ITGB5: variants seen among roughly 807,000 people sequenced by gnomAD.
The protein encoded by ITGB5 is integrin beta-5.
In ITGB5, 38 loss-of-function variants were observed where a neutral mutation model predicts 84.8. The ratio of observed to expected loss-of-function variants is 0.45; its 90% CI spans 0.35 to 0.59. The LOEUF is 0.59. Ranked by LOEUF, ITGB5 falls within the 20% of genes least tolerant of loss-of-function variation. ITGB5 has a pLI of 0.01. For synonymous variants in ITGB5, 393 were observed against 414.4 expected (o/e 0.95, Z 0.63); for missense variants, 905 against 1,034.5 (o/e 0.87, Z 1.72).
chr3:124,833,779 C>G (rs1050988240), intron 5 of ITGB5, among the ~76,000 whole-genome samples: 1 of 152,168 alleles, frequency 6.6e-6, no homozygotes, highest in Non-Finnish European at 1.5e-5. Flanking sequence ...GTTATGTGCC[C>G]AGCAGTGTCT....
At chr3:124,774,583 C>T (rs2063895596) in intron 10 of ITGB5, among the ~76,000 whole-genome samples, 1 of 152,126 alleles carries the variant, frequency 6.6e-6, no homozygotes, top group African/African-American at 2.4e-5. Flanking sequence ...TCCATGTTAG[C>T]CCAGTGAAAA....
intron 6 of ITGB5, 116 bp from the exon 7 acceptor site, chr3:124,819,950 G>A: frequency 1.3e-6 from 1 of 799,630 alleles, no homozygotes; most frequent in Admixed American, 1.8e-5. Flanking sequence ...TTTTCCTTAG[G>A]TGGCCCCTTA....
At chr3:124,764,643 T>G in intron 13 of ITGB5, 86 bp from the exon 14 acceptor site, 8 of 1,373,752 alleles carry the variant, frequency 5.8e-6, no homozygotes, top group African/African-American at 2.9e-5. Context: ...GAGATGAAAG[T>G]TGCACCCCTT....
chr3:124,835,235 CGGT>C (rs749148352), intron 5 of ITGB5, among the ~76,000 whole-genome samples: 4 of 152,224 alleles, frequency 2.6e-5, no homozygotes, highest in Admixed American at 6.5e-5. Context: ...CAGCAGCTGT[CGGT>C]GGGGCTGCGG....
upstream of ITGB5, among the ~76,000 whole-genome samples, chr3:124,890,668 G>C (rs1315228620): frequency 6.6e-6 from 1 of 152,046 alleles, no homozygotes; most frequent in Admixed American, 6.5e-5. Flanking sequence ...AAAGTTCTGC[G>C]ATCAAACCTG....
rs138438169 is a variant in ITGB5, at chr3:124,762,762, G to GTATC, written c.*857_*860dup. 0.18 allele frequency: 27,108 copies of GTATC among 152,046 alleles called. 2,573 individuals carry two copies. Among genetic ancestry groups the GTATC allele is most frequent in the Admixed American group, 0.26 (3,899 of 15,258 alleles). 9.4% of individuals were successfully genotyped at this position (152,046 alleles called of 1,614,324 possible). A position where few individuals can be genotyped will look rare whatever the true frequency, so the allele number is the denominator to read the frequency against. ...CAGTAAAAGCTGGAAGGGGCCAAAG[G>GTATC]TATCTGCTCAGTGTTCCCCCTTGCA... On this transcript the variant is annotated 3_prime_UTR_variant, in exon 15 of 15. Coordinates refer to ENST00000296181, the MANE Select transcript of ITGB5 (RefSeq NM_002213.5).
intron 10 of ITGB5, among the ~76,000 whole-genome samples, chr3:124,779,019 G>A (rs1034746302): frequency 3.3e-5 from 5 of 152,316 alleles, no homozygotes; most frequent in African/African-American, 1.2e-4. Context: ...CTGTGTTGAT[G>A]AGGATAATGC....
At chr3:124,894,279 G>A (rs527665590) in intron 1 of ITGB5, among the ~76,000 whole-genome samples, 65 of 151,532 alleles carry the variant, frequency 4.3e-4, no homozygotes, top group African/African-American at 1.1e-3. Context: ...GACTACAGGC[G>A]CCCACCACCA....
At chr3:124,870,684 C>T (rs1278598651) in intron 2 of ITGB5, among the ~76,000 whole-genome samples, 1 of 151,204 alleles carries the variant, frequency 6.6e-6, no homozygotes, top group East Asian at 1.9e-4. Flanking sequence ...CGACATCATG[C>T]CACTGCACTC....
At position 124,821,310 on chromosome 3, in the gene ITGB5, C is replaced by T; in HGVS notation, c.942+3G>A. 2 of 1,611,568 alleles carry T rather than the reference C, an allele frequency of 1.2e-6. No homozygotes were observed. Among genetic ancestry groups the T allele is most frequent in the East Asian group, 2.2e-5 (1 of 44,752 alleles). On this transcript the variant is annotated splice_donor_region_variant and intron_variant, in intron 6 of 14. Transcript: ENST00000296181. Reference sequence around the variant, plus strand: ...GAGGGGGGATCTGGTTCCCGGCACTCACCATCTGGTTGGATGCAGTGTACT... The same window carrying T: ...GAGGGGGGATCTGGTTCCCGGCACTTACCATCTGGTTGGATGCAGTGTACT...
At chr3:124,817,568 A>C in intron 8 of ITGB5, 53 bp downstream of exon 8, 1 of 974,100 alleles carries the variant, frequency 1.0e-6, no homozygotes, top group Non-Finnish European at 1.6e-6. Context: ...GCAGGGCCTC[A>C]GTGGGAGAGG....
At chr3:124,860,240 A>G (rs2065277538) in intron 2 of ITGB5, among the ~76,000 whole-genome samples, 1 of 152,220 alleles carries the variant, frequency 6.6e-6, no homozygotes, top group African/African-American at 2.4e-5. Context: ...TCCTTAAACC[A>G]TAAGAATAAC....
intron 5 of ITGB5, among the ~76,000 whole-genome samples, chr3:124,835,698 A>C (rs2064925530): frequency 6.6e-6 from 1 of 152,246 alleles, no homozygotes; most frequent in Non-Finnish European, 1.5e-5. Context: ...CCTTGAGGAA[A>C]GAAAGGCAAT....
intron 3 of ITGB5, among the ~76,000 whole-genome samples, chr3:124,855,279 C>G (rs1434611966): frequency 1.3e-5 from 2 of 152,158 alleles, no homozygotes; most frequent in Non-Finnish European, 2.9e-5. Flanking sequence ...GCACTCCAGC[C>G]TGGGCGACAG....
At chr3:124,899,695 T>G (rs1935180294) in intron 1 of ITGB5, among the ~76,000 whole-genome samples, 1 of 151,422 alleles carries the variant, frequency 6.6e-6, no homozygotes. Flanking sequence ...CGCTCCAAAA[T>G]ATTTTAAAAA....
chr3:124,867,146 C>T (rs373661285), intron 2 of ITGB5, among the ~76,000 whole-genome samples: 2 of 152,188 alleles, frequency 1.3e-5, no homozygotes, highest in East Asian at 3.9e-4. Context: ...AGACCGCTCA[C>T]CCCAGCCCAG....
Position 124,854,877 on chromosome 3 carries a change from G to C in ITGB5, c.361+4365C>G, listed in dbSNP as rs536404539. 2.0e-5 allele frequency among the ~76,000 whole-genome samples: 3 copies of C among 152,222 alleles called. No homozygotes were observed. The South Asian group carries it at 6.2e-4, about 32-fold the overall frequency. On this transcript the variant is annotated intron_variant, in intron 3 of 14. Transcript: ENST00000296181. ...CTTGGAACAATTACTTTGCCTTCAT[G>C]AAGTGTCTTTCATATTATGCTGAGG...
At chr3:124,894,946 A>G (rs985740634) in intron 1 of ITGB5, among the ~76,000 whole-genome samples, 1 of 149,734 alleles carries the variant, frequency 6.7e-6, no homozygotes, top group African/African-American at 2.4e-5. Context: ...CTCCCCCCCA[A>G]ATCTTACAAT....
At chr3:124,876,038 C>T (rs1318188780) in intron 1 of ITGB5, among the ~76,000 whole-genome samples, 2 of 152,044 alleles carry the variant, frequency 1.3e-5, no homozygotes, top group Non-Finnish European at 2.9e-5. Context: ...TACAAAGTTC[C>T]AGTTAGAGAG....
Sources: allele counts gnomAD v4.1 joint callset (sites outside exome capture counted in the v4.1 genomes callset), GRCh38; gene constraint gnomAD v4.1.1; transcripts MANE v1.5; gene names NCBI Gene and HGNC (gene_info 2026-07-23, HGNC 2026-07-21).